Variants in BACE1 observed in about 807,000 individuals in gnomAD.
BACE1 encodes beta-secretase 1.
In BACE1, 21 loss-of-function variants were observed where a neutral mutation model predicts 54.0. The ratio of observed to expected loss-of-function variants is 0.39; its 90% CI spans 0.28 to 0.56. The LOEUF (loss-of-function observed/expected upper bound fraction) is 0.56, where lower values mean the gene tolerates loss of function less well. BACE1 is among the 20% of genes least tolerant of loss of function. The pLI, the probability that BACE1 is intolerant of heterozygous loss-of-function variation, is 0.63. For missense variants in BACE1, 511 were observed against 661.2 expected (o/e 0.77, Z 2.49); for synonymous variants, 232 against 260.9 (o/e 0.89, Z 1.07).
Position 117,315,936 on chromosome 11 carries a change from C to G in BACE1, c.-141G>C. ...TCAGGACGCCAGGGCCTGCAGGGCC[C>G]TGGGCCAGCCCCCGGGTCCGGGCTG... On this transcript the variant is annotated 5_prime_UTR_variant, in exon 1 of 9. Coordinates refer to ENST00000313005, the MANE Select transcript of BACE1 (RefSeq NM_012104.6). This position sits in a 1 kb window ranked among gnomAD's most constrained non-coding sequence, Gnocchi z 5.5. 1 of 953,538 alleles carries G rather than the reference C, an allele frequency of 1.0e-6. No homozygotes were observed. The highest frequency in any genetic ancestry group is 3.4e-4 in the Middle Eastern group (1 of 2,908). The allele number at this position is 953,538 out of a possible 1,614,324, so 59.1% of individuals were successfully genotyped here. A position where few individuals can be genotyped will look rare whatever the true frequency, so the allele number is the denominator to read the frequency against.
chr11:117,307,547 G>C (rs1375660945), intron 1 of BACE1, among the ~76,000 whole-genome samples: 3 of 152,158 alleles, frequency 2.0e-5, no homozygotes, highest in Non-Finnish European at 1.5e-5. Context: ...CCTGACCTCA[G>C]GTGATCTGCC....
chr11:117,295,053 C>T (rs2034561294), intron 3 of BACE1, 78 bp downstream of exon 3: 7 of 1,384,214 alleles, frequency 5.1e-6, no homozygotes, highest in Non-Finnish European at 7.2e-6. Context: ...TCTGCTAATT[C>T]CCCTTCTCTC....
At chr11:117,311,163 C>G (rs576432645) in intron 1 of BACE1, among the ~76,000 whole-genome samples, 15 of 151,986 alleles carry the variant, frequency 9.9e-5, no homozygotes, top group Non-Finnish European at 2.1e-4. Flanking sequence ...GGAGACCAGC[C>G]TGGGCAACAT....
In BACE1 at chr11:117,287,559, G is replaced by A. The variant is rs1236060464; in HGVS notation, c.*2007C>T. 6.6e-6 allele frequency: 1 copy of A among 152,530 alleles called. No individual in the cohort carries two copies. The highest frequency in any genetic ancestry group is 1.5e-5 in the Non-Finnish European group (1 of 68,048). 9.4% of individuals were successfully genotyped at this position (152,530 alleles called of 1,614,324 possible). A position where few individuals can be genotyped will look rare whatever the true frequency, so the allele number is the denominator to read the frequency against. On this transcript the variant is annotated 3_prime_UTR_variant, in exon 9 of 9. Coordinates refer to ENST00000313005, the MANE Select transcript of BACE1 (RefSeq NM_012104.6). ...TAGGCTGATGGGACTTGCTATCGAAGGGGTTGAGTTTTATGCCCTGGAAAG... is the reference window on the plus strand; with the variant it reads ...TAGGCTGATGGGACTTGCTATCGAAAGGGTTGAGTTTTATGCCCTGGAAAG...
At position 117,289,458 on chromosome 11, in the gene BACE1, T is replaced by A; in HGVS notation, c.*108A>T. The A allele has an allele frequency of 6.7e-7, 1 of 1,495,918 alleles. No individual in the cohort carries two copies. The highest frequency in any genetic ancestry group is 8.9e-7 in the Non-Finnish European group (1 of 1,119,830). The allele number at this position is 1,495,918 out of a possible 1,614,324, so 92.7% of individuals were successfully genotyped here. A position where few individuals can be genotyped will look rare whatever the true frequency, so the allele number is the denominator to read the frequency against. On this transcript the variant is annotated 3_prime_UTR_variant, in exon 9 of 9. Transcript: ENST00000313005. Reference sequence around the variant, plus strand: ...AGAGGCATTTGGTGGGTGGGGAGGGTCCTGAGGTGCTCTGGCCACAGGTGC... The same window carrying A: ...AGAGGCATTTGGTGGGTGGGGAGGGACCTGAGGTGCTCTGGCCACAGGTGC...
At chr11:117,305,589 A>C (rs2134482010) in intron 1 of BACE1, among the ~76,000 whole-genome samples, 1 of 151,586 alleles carries the variant, frequency 6.6e-6, no homozygotes, top group Admixed American at 6.6e-5. Context: ...CTTATCTAGT[A>C]TACCTTTCCC....
chr11:117,313,620 T>C (rs2134502327), intron 1 of BACE1, among the ~76,000 whole-genome samples: 1 of 152,280 alleles, frequency 6.6e-6, no homozygotes, highest in Middle Eastern at 3.4e-3. Flanking sequence ...GTATTTTTAG[T>C]AGAAACAGGG....
chr11:117,296,587 T>G (rs1429954491), intron 2 of BACE1, among the ~76,000 whole-genome samples: 1 of 152,154 alleles, frequency 6.6e-6, no homozygotes, highest in African/African-American at 2.4e-5. Context: ...AAGATTGTTC[T>G]GTGAGCTATG....
At chr11:117,299,996 T>G (rs1311338975) in intron 1 of BACE1, among the ~76,000 whole-genome samples, 1 of 151,820 alleles carries the variant, frequency 6.6e-6, no homozygotes, top group Non-Finnish European at 1.5e-5. Context: ...GGAGTGGAGC[T>G]TTGACCTGGG....
rs1189127240 is a variant in BACE1 at position 117,290,925 on chromosome 11, G to A, written c.1067C>T (p.Ser356Phe). 6.2e-7 allele frequency: 1 copy of A among 1,614,050 alleles called. No homozygotes were observed. Among genetic ancestry groups the A allele is most frequent in the Non-Finnish European group, 8.5e-7 (1 of 1,180,046 alleles). ...LYLMGEVTNQ[S>F]FRITILPQQY... ...CTGCGGAAGGATGGTGATGCGGAAG[G>A]ACTGGTTGGTAACCTCACCCATTAG... is the stretch of plus-strand genomic sequence containing the variant. The change falls in exon 7 of 9, where the codon TCC (serine) becomes TTC (phenylalanine). Residue 356 changes from serine (S) to phenylalanine (F), a missense_variant. Physicochemically the swap from Ser to Phe is radical, Grantham distance 155 (BLOSUM62 -2). This residue lies in a region of BACE1 where 407 missense variants were observed against 565.7 expected (regional missense o/e 0.72). Transcript: ENST00000313005.
rs900202650 is a variant in BACE1, at chr11:117,293,702, G to A, written c.705+169C>T. The A allele has an allele frequency of 7.6e-6, 5 of 661,392 alleles. No homozygotes were observed. The African/African-American group carries it at 9.4e-5, about 12-fold the overall frequency. 41.0% of individuals were successfully genotyped at this position (661,392 alleles called of 1,614,324 possible). A position where few individuals can be genotyped will look rare whatever the true frequency, so the allele number is the denominator to read the frequency against. ...TGCCTTGATTCCTTTCTGGAATAAC[G>A]CAAAAAAGAAAAGAATGGAAAAATA... On this transcript the variant is annotated intron_variant, in intron 4 of 8. Coordinates refer to ENST00000313005, the MANE Select transcript of BACE1 (RefSeq NM_012104.6). The surrounding 1 kb of genome is among the most constrained non-coding windows in gnomAD (Gnocchi z 4.1).
intron 1 of BACE1, among the ~76,000 whole-genome samples, chr11:117,302,626 T>A (rs1282487420): frequency 1.3e-5 from 2 of 152,216 alleles, no homozygotes; most frequent in Non-Finnish European, 2.9e-5. Context: ...CTCACGCCTG[T>A]AATCCCAACA....
intron 1 of BACE1, among the ~76,000 whole-genome samples, chr11:117,302,233 T>TGA (rs1255807695): frequency 6.6e-6 from 1 of 152,102 alleles, no homozygotes; most frequent in Non-Finnish European, 1.5e-5. Flanking sequence ...CTCGGAAGGC[T>TGA]GAGGCAGGAG....
intron 1 of BACE1, among the ~76,000 whole-genome samples, chr11:117,310,423 C>A (rs1296393936): frequency 6.6e-6 from 1 of 152,086 alleles, no homozygotes; most frequent in Non-Finnish European, 1.5e-5. Context: ...AAGACATTGT[C>A]CTTAAGAGCT....
chr11:117,290,837 C>A, intron 7 of BACE1, 63 bp downstream of exon 7: 2 of 1,583,684 alleles, frequency 1.3e-6, no homozygotes, highest in Non-Finnish European at 1.7e-6. Context: ...CAAGCCATAC[C>A]TGCTCACTGT....
intron 2 of BACE1, among the ~76,000 whole-genome samples, chr11:117,295,988 G>A (rs983611133): frequency 1.6e-4 from 24 of 152,314 alleles, no homozygotes; most frequent in South Asian, 6.2e-4. Flanking sequence ...TGGAGTGAAT[G>A]CCCTTTCATC....
rs1219037263 is a variant in BACE1 at position 117,293,006 on chromosome 11, G to T, written c.840+48C>A. Reference sequence around the variant, plus strand: ...GATAACCAGAGTCTTCCTTCACATTGTACTGCCTACCCCCTTATGTTCCCA... The same window carrying T: ...GATAACCAGAGTCTTCCTTCACATTTTACTGCCTACCCCCTTATGTTCCCA... On this transcript the variant is annotated intron_variant, in intron 5 of 8. Transcript: ENST00000313005. This position sits in a 1 kb window ranked among gnomAD's most constrained non-coding sequence, Gnocchi z 4.1. The T allele has an allele frequency of 1.9e-6, 3 of 1,601,008 alleles. No individual in the cohort carries two copies. The highest frequency in any genetic ancestry group is 3.4e-5 in the Admixed American group (2 of 59,000).
rs946040257 is a variant in BACE1 at position 117,312,279 on chromosome 11, G to A, written c.261+3256C>T. On this transcript the variant is annotated intron_variant, in intron 1 of 8. Transcript: ENST00000313005. ...GAGCAGACATGGACATACGTGTAAC[G>A]TGCAATTACAGTACAGTGGGATAGT... 3.9e-5 allele frequency among the ~76,000 whole-genome samples: 6 copies of A among 152,260 alleles called. 1 individual carries two copies. Among genetic ancestry groups the A allele is most frequent in the East Asian group, 1.9e-4 (1 of 5,178 alleles).
In BACE1 at chr11:117,290,654, G is replaced by T; in HGVS notation, c.1098C>A (p.Tyr366Ter). The T allele has an allele frequency of 6.2e-7, 1 of 1,613,966 alleles. No individual in the cohort carries two copies. The highest frequency in any genetic ancestry group is 8.5e-7 in the Non-Finnish European group (1 of 1,179,972). The change falls in exon 8 of 9, where the codon TAC (tyrosine) becomes TAA (stop). Residue 366 changes from tyrosine (Y) to a stop codon, truncating the protein, a stop_gained. Coordinates refer to ENST00000313005, the MANE Select transcript of BACE1 (RefSeq NM_012104.6). LOFTEE classifies it high-confidence loss of function. ...SFRITILPQQ[Y>*]LRPVEDVATS... ...TGGCCACATCTTCCACTGGCCGCAG[G>T]TATTGCTAGGGGTAAGCAATCACAG...
Sources: gnomAD v4.1 joint callset for allele counts (sites outside exome capture counted in the v4.1 genomes callset) on GRCh38, gnomAD v4.1.1 for gene constraint, gnomAD v4.1.1 regional missense constraint, Gnocchi (gnomAD v3.1) non-coding constraint, MANE v1.5 for transcripts, NCBI Gene and HGNC (gene_info 2026-07-23, HGNC 2026-07-21) for gene names.